The following KATNIP variants were observed in gnomAD, a reference collection of about 807,000 sequenced individuals.
The protein encoded by KATNIP is katanin-interacting protein.
Under a neutral mutation model 174.0 loss-of-function variants are expected in KATNIP, and 126 were observed. That is an observed-to-expected ratio of 0.72 (90% CI 0.63 to 0.84). KATNIP has a LOEUF of 0.84. KATNIP is among the 40% of genes least tolerant of loss of function. The pLI, the probability that KATNIP is intolerant of heterozygous loss-of-function variation, is 0.00. For synonymous variants in KATNIP, 810 were observed against 835.7 expected, an observed-to-expected ratio of 0.97 and a Z score of 0.53; for missense variants, 1,958 against 2,109.7, an observed-to-expected ratio of 0.93 and a Z score of 1.41.
At chr16:27,663,147 T>A (rs2077575239) in intron 6 of KATNIP, among the ~76,000 whole-genome samples, 1 of 146,506 alleles carries the variant, frequency 6.8e-6, no homozygotes, top group Admixed American at 6.9e-5. Flanking sequence ...TTTTCTTTTC[T>A]TCTTCTTTTT....
At chr16:27,629,749 C>T (rs2076433176) in intron 4 of KATNIP, among the ~76,000 whole-genome samples, 1 of 152,206 alleles carries the variant, frequency 6.6e-6, no homozygotes, top group African/African-American at 2.4e-5. Context: ...CATGGTGGCT[C>T]AGGCCTGTAA....
intron 8 of KATNIP, among the ~76,000 whole-genome samples, chr16:27,690,505 G>A (rs745560008): frequency 6.6e-6 from 1 of 152,178 alleles, no homozygotes; most frequent in African/African-American, 2.4e-5. Context: ...ATACAGGGGT[G>A]GGAGGAATTC....
At chr16:27,556,921 C>G (rs1202396289) in intron 1 of KATNIP, among the ~76,000 whole-genome samples, 1 of 152,074 alleles carries the variant, frequency 6.6e-6, no homozygotes, top group Non-Finnish European at 1.5e-5. Flanking sequence ...TTTCTTTTCT[C>G]TCAGATTTTT....
intron 13 of KATNIP, among the ~76,000 whole-genome samples, chr16:27,711,953 T>G (rs1764442711): frequency 6.6e-6 from 1 of 152,162 alleles, no homozygotes; most frequent in South Asian, 2.1e-4. Flanking sequence ...GCTCCCATGC[T>G]TGCTGCTGGG....
intron 14 of KATNIP, among the ~76,000 whole-genome samples, chr16:27,732,445 A>G (rs556285114): frequency 1.2e-4 from 19 of 152,358 alleles, no homozygotes; most frequent in African/African-American, 4.3e-4. Context: ...CAAGACCTCA[A>G]GACAGATAGG....
intron 13 of KATNIP, among the ~76,000 whole-genome samples, chr16:27,713,575 C>T (rs1001664060): frequency 6.8e-6 from 1 of 146,242 alleles, no homozygotes; most frequent in African/African-American, 2.5e-5. Context: ...ACCCTGTCTC[C>T]ATAAAAAAAA....
At chr16:27,641,972 C>A (rs2076814474) in intron 5 of KATNIP, among the ~76,000 whole-genome samples, 1 of 152,240 alleles carries the variant, frequency 6.6e-6, no homozygotes, top group African/African-American at 2.4e-5. Context: ...CTCCTCCTTG[C>A]CCCTTCTCGA....
intron 20 of KATNIP, among the ~76,000 whole-genome samples, chr16:27,769,136 C>T (rs1020305291): frequency 6.6e-6 from 1 of 152,238 alleles, no homozygotes; most frequent in African/African-American, 2.4e-5. Context: ...CCACGTGAAT[C>T]CTGCAAGCTC....
chr16:27,609,321 A>G (rs1338660664), intron 2 of KATNIP, among the ~76,000 whole-genome samples: 1 of 150,246 alleles, frequency 6.7e-6, no homozygotes, highest in Non-Finnish European at 1.5e-5. Context: ...ACTCTTTGCA[A>G]GTTTCACTAT....
At chr16:27,691,419 G>A (rs999929991) in intron 8 of KATNIP, among the ~76,000 whole-genome samples, 1 of 152,228 alleles carries the variant, frequency 6.6e-6, no homozygotes, top group South Asian at 2.1e-4. Context: ...TTTGCTGGTG[G>A]CACAAATGGA....
intron 17 of KATNIP, among the ~76,000 whole-genome samples, chr16:27,752,501 C>A (rs2081558272): frequency 6.6e-6 from 1 of 152,246 alleles, no homozygotes; most frequent in South Asian, 2.1e-4. Flanking sequence ...AAGGGTAGAA[C>A]TTGAATGCGT....
intron 14 of KATNIP, among the ~76,000 whole-genome samples, chr16:27,733,690 C>T: frequency 6.6e-6 from 1 of 151,776 alleles, no homozygotes; most frequent in East Asian, 1.9e-4. Context: ...TGGAAGAAGA[C>T]AGAAGAAGGG....
intron 2 of KATNIP, among the ~76,000 whole-genome samples, chr16:27,602,109 A>G (rs999645915): frequency 3.9e-5 from 6 of 152,072 alleles, no homozygotes; most frequent in African/African-American, 1.4e-4. Context: ...GTCTCTTCTC[A>G]ATTATTAGAG....
chr16:27,632,843 C>G (rs1597003558), intron 5 of KATNIP, among the ~76,000 whole-genome samples: 1 of 151,932 alleles, frequency 6.6e-6, no homozygotes, highest in East Asian at 1.9e-4. Context: ...CTCTGCCTCC[C>G]GGTTTCAAGC....
At chr16:27,672,854 A>G (rs2077970360) in intron 6 of KATNIP, among the ~76,000 whole-genome samples, 1 of 152,212 alleles carries the variant, frequency 6.6e-6, no homozygotes, top group Admixed American at 6.5e-5. Flanking sequence ...TCAACTGACC[A>G]TGGGTTCAAG....
intron 6 of KATNIP, among the ~76,000 whole-genome samples, chr16:27,668,200 T>TCG (rs981733654): frequency 2.6e-5 from 4 of 152,162 alleles, no homozygotes; most frequent in Non-Finnish European, 5.9e-5. Context: ...ATCACATGGT[T>TCG]AAGAGTCTGG....
At position 27,766,323 on chromosome 16, in the gene KATNIP, C is replaced by T. The variant is rs1567420785; in HGVS notation, c.3824C>T (p.Thr1275Ile). 1 of 1,614,128 alleles carries T rather than the reference C, an allele frequency of 6.2e-7. No homozygotes were observed. The highest frequency in any genetic ancestry group is 2.2e-5 in the East Asian group (1 of 44,878). ...CATTGCTGCAGGTTAATTGATGGCA[C>T]CAACATCACCATGGAGGATGAGCAT... ...SRALDKLIDG[T>I]NITMEDEHMW... Residue 1275 changes from threonine to isoleucine, a missense_variant, in exon 20 of 28, where the codon ACC becomes ATC. Thr to Ile is a moderately conservative substitution (Grantham distance 89). Coordinates refer to ENST00000261588, the MANE Select transcript of KATNIP (RefSeq NM_015202.5).
chr16:27,758,470 T>C (rs1034831978), intron 18 of KATNIP, among the ~76,000 whole-genome samples: 4 of 152,160 alleles, frequency 2.6e-5, no homozygotes, highest in Admixed American at 6.5e-5. Flanking sequence ...ATCCAACTGA[T>C]GGGAGCTTTA....
At position 27,766,037 on chromosome 16, in the gene KATNIP, T is replaced by TA. The variant is rs1172907938; in HGVS notation, c.3810-262dup. Among the ~76,000 whole-genome samples the TA allele has an allele frequency of 2.6e-3, 383 of 147,566 alleles. 4 individuals are homozygous for TA. The highest frequency in any genetic ancestry group is 7.7e-3 in the African/African-American group (309 of 40,270). On this transcript the variant is annotated intron_variant, in intron 19 of 27. Coordinates refer to ENST00000261588, the MANE Select transcript of KATNIP (RefSeq NM_015202.5). ...CTGAAAAATGGTTCATTTTCCCTTT[T>TA]AAAAAAAAAACAAAAACCCTGATGA...
Sources: gnomAD v4.1 joint callset for allele counts (sites outside exome capture counted in the v4.1 genomes callset) on GRCh38, gnomAD v4.1.1 for gene constraint, MANE v1.5 for transcripts, NCBI Gene and HGNC (gene_info 2026-07-23, HGNC 2026-07-21) for gene names.